The following FAR2 variants were observed in gnomAD, a reference collection of about 807,000 sequenced individuals.
FAR2 encodes epididymis secretory protein Li 81.
Under a neutral mutation model 56.0 loss-of-function variants are expected in FAR2, and 19 were observed. That is an observed-to-expected ratio of 0.34 (90% CI 0.24 to 0.50). The LOEUF (loss-of-function observed/expected upper bound fraction) is 0.50. FAR2 is among the 20% of genes least tolerant of loss of function. The probability of loss-of-function intolerance (pLI) is 0.98; values close to 1 mark genes in which losing one functional copy is unlikely to be tolerated. For synonymous variants in FAR2, 219 were observed against 218.8 expected, an observed-to-expected ratio of 1.00 and a Z score of -0.01; for missense variants, 508 against 642.2, an observed-to-expected ratio of 0.79 and a Z score of 2.26.
chr12:29,156,892 G>T (rs1414015764), intron 1 of FAR2: 2 of 151,806 alleles, frequency 1.3e-5, no homozygotes, highest in African/African-American at 2.4e-5. Flanking sequence ...GAGACCTGGT[G>T]CTTGGCTCTG....
At chr12:29,317,403 T>G (rs1949468616) in intron 9 of FAR2, among the ~76,000 whole-genome samples, 1 of 152,144 alleles carries the variant, frequency 6.6e-6, no homozygotes, top group Admixed American at 6.5e-5. Context: ...CCAAGATAGC[T>G]CATTACATAT....
At chr12:29,324,553 G>A (rs778443616) in intron 10 of FAR2, among the ~76,000 whole-genome samples, 28 of 152,112 alleles carry the variant, frequency 1.8e-4, no homozygotes, top group African/African-American at 5.8e-4. Flanking sequence ...ATGATCTCTC[G>A]GCAGAAACTC....
Position 29,207,503 on chromosome 12 carries a change from A to C in FAR2, c.-39+58096A>C, listed in dbSNP as rs1355964139. Among the ~76,000 whole-genome samples the C allele has an allele frequency of 3.3e-5, 5 of 152,200 alleles. No individual in the cohort carries two copies. The East Asian group carries it at 9.6e-4, about 29-fold the overall frequency. On this transcript the variant is annotated intron_variant, in intron 1 of 11. Coordinates refer to ENST00000536681, the MANE Select transcript of FAR2 (RefSeq NM_001271783.2). ...GGGTTCTCATCCCATTTACAAGGAC[A>C]AAGGGAGTCGGCACTATCACCTCCA...
At chr12:29,276,291 A>G (rs1948703582) in intron 2 of FAR2, among the ~76,000 whole-genome samples, 1 of 152,210 alleles carries the variant, frequency 6.6e-6, no homozygotes, top group Admixed American at 6.5e-5. Flanking sequence ...AGTTATGCCA[A>G]AAAAAGAAGT....
Sources: gnomAD v4.1 joint callset for allele counts (sites outside exome capture counted in the v4.1 genomes callset) on GRCh38, gnomAD v4.1.1 for gene constraint, MANE v1.5 for transcripts, NCBI Gene and HGNC (gene_info 2026-07-23, HGNC 2026-07-21) for gene names.